NECAB1: variants seen among roughly 807,000 people sequenced by gnomAD.
The protein encoded by NECAB1 is N-terminal EF-hand calcium-binding protein 1.
A neutral mutation model predicts 57.5 loss-of-function variants in NECAB1; 29 were observed. The ratio of observed to expected loss-of-function variants is 0.50; its 90% CI spans 0.38 to 0.69. The LOEUF (loss-of-function observed/expected upper bound fraction) is 0.69, where lower values mean the gene tolerates loss of function less well. Ranked by LOEUF, NECAB1 falls within the 30% of genes least tolerant of loss-of-function variation. The pLI, the probability that NECAB1 is intolerant of heterozygous loss-of-function variation, is 0.00. For synonymous variants in NECAB1, 142 were observed against 147.7 expected, an observed-to-expected ratio of 0.96 and a Z score of 0.28; for missense variants, 372 against 413.8, an observed-to-expected ratio of 0.90 and a Z score of 0.88.
chr8:90,904,608 A>C (rs1425908288), intron 5 of NECAB1, among the ~76,000 whole-genome samples: 1 of 152,050 alleles, frequency 6.6e-6, no homozygotes, highest in Non-Finnish European at 1.5e-5. Flanking sequence ...ATAGAAAAGA[A>C]GTTAAGAGAC....
intron 9 of NECAB1, chr8:90,940,544 G>A: frequency 2.4e-6 from 1 of 421,348 alleles, no homozygotes; most frequent in African/African-American, 2.0e-5. Context: ...TGCTTTTAAA[G>A]GGAAACACGT....
chr8:90,878,319 C>T (rs998361042), intron 4 of NECAB1, among the ~76,000 whole-genome samples: 2 of 152,148 alleles, frequency 1.3e-5, no homozygotes, highest in Non-Finnish European at 2.9e-5. Flanking sequence ...GCACCTGGCA[C>T]ATAAAAGGCC....
chr8:90,954,033 C>A (rs1464728778), intron 12 of NECAB1, among the ~76,000 whole-genome samples: 2 of 151,348 alleles, frequency 1.3e-5, no homozygotes, highest in Non-Finnish European at 2.9e-5. Context: ...CGTGCCAGTG[C>A]ACTCCAGCCT....
chr8:90,840,551 C>A lies in NECAB1; in HGVS notation c.233+15726C>A, dbSNP rs139305857. On this transcript the variant is annotated intron_variant, in intron 3 of 12. Transcript: ENST00000417640. ...TTCATTCTGTTTCTGAAGGCCCTGG[C>A]CGAGCAAATTTTTTATTGCTTTACT... 1.7e-3 allele frequency among the ~76,000 whole-genome samples: 254 copies of A among 152,294 alleles called. 4 individuals are homozygous for A. Among genetic ancestry groups the A allele is most frequent in the African/African-American group, 5.6e-3 (231 of 41,566 alleles).
At chr8:90,930,120 G>A (rs1195306469) in intron 8 of NECAB1, among the ~76,000 whole-genome samples, 6 of 152,142 alleles carry the variant, frequency 3.9e-5, no homozygotes, top group Non-Finnish European at 7.4e-5. Flanking sequence ...AGAAAAATGA[G>A]GCTCAGAGAC....
rs111779073 is a variant in NECAB1, at chr8:90,808,390, G to A, written c.124+6675G>A. 2.2e-4 allele frequency among the ~76,000 whole-genome samples: 34 copies of A among 152,226 alleles called. 1 individual carries two copies. Among genetic ancestry groups the A allele is most frequent in the African/African-American group, 7.5e-4 (31 of 41,538 alleles). ...TAGATCCCAGAGATATGTAGCATAAGGGTTAAGCTTATGTATGATTTTGCA... is the reference window on the plus strand; with the variant it reads ...TAGATCCCAGAGATATGTAGCATAAAGGTTAAGCTTATGTATGATTTTGCA... On this transcript the variant is annotated intron_variant, in intron 2 of 12. Coordinates refer to ENST00000417640, the MANE Select transcript of NECAB1 (RefSeq NM_022351.5).
At chr8:90,945,802 G>A (rs1049863998) in intron 10 of NECAB1, among the ~76,000 whole-genome samples, 41 of 152,076 alleles carry the variant, frequency 2.7e-4, no homozygotes, top group African/African-American at 9.2e-4. Context: ...CCCAAAGCTC[G>A]AGGTTGAAGC....
intron 3 of NECAB1, among the ~76,000 whole-genome samples, chr8:90,851,543 A>T (rs1423654264): frequency 6.6e-6 from 1 of 152,094 alleles, no homozygotes; most frequent in Non-Finnish European, 1.5e-5. Flanking sequence ...AAAACCCCAT[A>T]CATTTGGTGT....
At chr8:90,882,293 T>C (rs1249479649) in intron 5 of NECAB1, among the ~76,000 whole-genome samples, 1 of 151,934 alleles carries the variant, frequency 6.6e-6, no homozygotes, top group African/African-American at 2.4e-5. Flanking sequence ...CAATAAAGAC[T>C]CAACTGAATT....
intron 4 of NECAB1, among the ~76,000 whole-genome samples, chr8:90,873,179 A>G (rs910503891): frequency 2.6e-5 from 4 of 152,232 alleles, no homozygotes; most frequent in Admixed American, 2.6e-4. Context: ...ATTGTAAAAA[A>G]ACTCATGCTT....
At chr8:90,839,549 C>A (rs1812422661) in intron 3 of NECAB1, among the ~76,000 whole-genome samples, 1 of 152,128 alleles carries the variant, frequency 6.6e-6, no homozygotes. Flanking sequence ...GGTGTGCTAA[C>A]CTTATCTTAA....
intron 3 of NECAB1, among the ~76,000 whole-genome samples, chr8:90,853,187 G>A (rs1586059727): frequency 6.6e-6 from 1 of 152,240 alleles, no homozygotes; most frequent in African/African-American, 2.4e-5. Context: ...GAGGGGTGGA[G>A]TGCAGCGGGT....
chr8:90,811,781 A>G (rs1199323046), intron 2 of NECAB1, among the ~76,000 whole-genome samples: 1 of 152,186 alleles, frequency 6.6e-6, no homozygotes, highest in East Asian at 1.9e-4. Context: ...CCTAGAACCC[A>G]TCCCACCAGT....
At chr8:90,937,296 G>A (rs1810560710) in intron 9 of NECAB1, among the ~76,000 whole-genome samples, 1 of 152,104 alleles carries the variant, frequency 6.6e-6, no homozygotes, top group East Asian at 1.9e-4. Context: ...AATATTATAG[G>A]CTAGAAAACA....
intron 8 of NECAB1, among the ~76,000 whole-genome samples, chr8:90,929,917 G>C (rs996323751): frequency 6.6e-6 from 1 of 152,226 alleles, no homozygotes; most frequent in African/African-American, 2.4e-5. Flanking sequence ...TAACAAATAA[G>C]GTTGTATGGA....
At chr8:90,826,841 G>A (rs1812233642) in intron 3 of NECAB1, among the ~76,000 whole-genome samples, 1 of 151,702 alleles carries the variant, frequency 6.6e-6, no homozygotes, top group African/African-American at 2.4e-5. Context: ...ACTACTAAAT[G>A]TTAAAGAAGT....
At chr8:90,837,275 A>C (rs1220999253) in intron 3 of NECAB1, among the ~76,000 whole-genome samples, 1 of 152,218 alleles carries the variant, frequency 6.6e-6, no homozygotes, top group East Asian at 1.9e-4. Flanking sequence ...ATAAGTTCCA[A>C]GACCCACAGT....
intron 3 of NECAB1, among the ~76,000 whole-genome samples, chr8:90,863,045 C>T (rs1125229): frequency 0.46 from 70,123 of 151,832 alleles, 19,640 homozygotes; most frequent in East Asian, 0.77. Flanking sequence ...ATCGATTGTC[C>T]CCCTTTGTCC....
chr8:90,835,901 C>A (rs930543828), intron 3 of NECAB1, among the ~76,000 whole-genome samples: 1 of 152,178 alleles, frequency 6.6e-6, no homozygotes, highest in Non-Finnish European at 1.5e-5. Context: ...AGAGTCTAGA[C>A]CCTGCCTGAT....
Sources: allele counts gnomAD v4.1 joint callset (sites outside exome capture counted in the v4.1 genomes callset), GRCh38; gene constraint gnomAD v4.1.1; transcripts MANE v1.5; gene names NCBI Gene and HGNC (gene_info 2026-07-23, HGNC 2026-07-21).